The following BBS1 variants were observed in gnomAD, a reference collection of about 807,000 sequenced individuals.
BBS1 encodes BBSome complex member BBS1.
A neutral mutation model predicts 73.9 loss-of-function variants in BBS1; 60 were observed. The observed-to-expected ratio is 0.81, with a 90% CI of 0.66 to 1.01. The LOEUF (loss-of-function observed/expected upper bound fraction) is 1.01, where lower values mean the gene tolerates loss of function less well. Among genes scored for constraint, BBS1 ranks in the 50% least tolerant of loss-of-function variants. BBS1 has a pLI of 0.00. For missense variants in BBS1, 718 were observed against 770.3 expected (o/e 0.93, Z 0.80); for synonymous variants, 283 against 317.4 (o/e 0.89, Z 1.15).
intron 7 of BBS1, among the ~76,000 whole-genome samples, chr11:66,516,239 C>T (rs2134774660): frequency 6.6e-6 from 1 of 151,232 alleles, no homozygotes; most frequent in East Asian, 2.0e-4. Context: ...GATTCTCCTG[C>T]CTCAGCCTCC....
chr11:66,511,856 G>T (rs534193246), intron 3 of BBS1, among the ~76,000 whole-genome samples: 3 of 151,594 alleles, frequency 2.0e-5, no homozygotes, highest in South Asian at 2.1e-4. Context: ...AAAATTAGCC[G>T]GGCATGGTGA....
intron 8 of BBS1, chr11:66,521,054 C>A (rs1361553339): frequency 5.0e-6 from 3 of 596,612 alleles, no homozygotes; most frequent in Non-Finnish European, 9.1e-6. Context: ...GGATGCAGTC[C>A]TAGAAGTGGC....
chr11:66,515,424 T>G, intron 4 of BBS1, 116 bp from the exon 5 acceptor site: 1 of 1,107,040 alleles, frequency 9.0e-7, no homozygotes, highest in South Asian at 1.3e-5. Context: ...AGAGGTAGGC[T>G]GGCAGGGAGG....
In BBS1 at chr11:66,510,719, C is replaced by CT. The variant is rs774921965; in HGVS notation, c.47+14dup. ...GCGGAGCTGAGAGGTGAAGGCAGGG[C>CT]TCCTCAAGGCCTCTTTTCCCACCCG... On this transcript the variant is annotated intron_variant, in intron 1 of 16. Coordinates refer to ENST00000318312, the MANE Select transcript of BBS1 (RefSeq NM_024649.5). The CT allele has an allele frequency of 1.2e-6, 2 of 1,613,922 alleles. No individual in the cohort carries two copies. Among genetic ancestry groups the CT allele is most frequent in the Non-Finnish European group, 1.7e-6 (2 of 1,179,960 alleles).
chr11:66,524,271 C>A, intron 11 of BBS1: 1 of 324,706 alleles, frequency 3.1e-6, no homozygotes, highest in Non-Finnish European at 6.0e-6. Flanking sequence ...CAGAGCGAGA[C>A]TCCATCTTAA....
chr11:66,526,092 T>A, intron 11 of BBS1, 31 bp from the exon 12 acceptor site: 7 of 1,611,824 alleles, frequency 4.3e-6, no homozygotes, highest in Non-Finnish European at 5.9e-6. Context: ...CCAAGATATT[T>A]CCCCAACTAA....
At chr11:66,515,780 A>G (rs1218439597) in intron 6 of BBS1, 49 bp downstream of exon 6, 2 of 1,613,938 alleles carry the variant, frequency 1.2e-6, no homozygotes, top group African/African-American at 2.7e-5. Context: ...AGGGAGAGGA[A>G]GCAGCCGCCA....
chr11:66,515,679 C>T lies in BBS1; in HGVS notation c.480-14C>T, dbSNP rs1374689742. On this transcript the variant is annotated splice_polypyrimidine_tract_variant and intron_variant, in intron 5 of 16. Transcript: ENST00000318312. ...TCTTCCATTCGGCTGCCATGCTGGC[C>T]CCTTTCCTTGCAGGGAGACGGCAGA... 5.0e-6 allele frequency: 8 copies of T among 1,614,096 alleles called. No homozygotes were observed. The Admixed American group carries it at 5.0e-5, about 10-fold the overall frequency.
intron 7 of BBS1, among the ~76,000 whole-genome samples, chr11:66,517,445 AT>A (rs1856073995): frequency 6.8e-6 from 1 of 146,588 alleles, no homozygotes; most frequent in Admixed American, 6.8e-5. Context: ...GCATTCATGT[AT>A]TTTTTATTTT....
rs759852344 is a variant in BBS1 at position 66,515,944 on chromosome 11, C to T, written c.591+11C>T. 11 of 1,613,730 alleles carry T rather than the reference C, an allele frequency of 6.8e-6. No homozygotes were observed. Among genetic ancestry groups the T allele is most frequent in the Middle Eastern group, 1.6e-4 (1 of 6,084 alleles). ...TCCATCAAGCGGCAGGTAATACCCC[C>T]TTCTCTTTTTATTTCCCTGTAAAAA... On this transcript the variant is annotated intron_variant, in intron 7 of 16. Coordinates refer to ENST00000318312, the MANE Select transcript of BBS1 (RefSeq NM_024649.5).
In BBS1 at chr11:66,515,914, C is replaced by G; in HGVS notation, c.572C>G (p.Ser191Cys). 6.2e-7 allele frequency: 1 copy of G among 1,614,160 alleles called. No homozygotes were observed. Among genetic ancestry groups the G allele is most frequent in the African/African-American group, 1.3e-5 (1 of 75,020 alleles). ...EMEAFVNQHK[S>C]NSIKRQTVIT... ...GAGGCATTTGTAAACCAACACAAGT[C>G]CAACTCCATCAAGCGGCAGGTAATA... Residue 191 changes from serine to cysteine, a missense_variant, in exon 7 of 17, where the codon TCC (serine) becomes TGC (cysteine). Coordinates refer to ENST00000318312, the MANE Select transcript of BBS1 (RefSeq NM_024649.5).
intron 3 of BBS1, 96 bp downstream of exon 3, chr11:66,511,335 G>A (rs550567096): frequency 1.4e-6 from 2 of 1,436,556 alleles, no homozygotes; most frequent in South Asian, 2.4e-5. Flanking sequence ...GCATACTCTG[G>A]AATTCACATA....
intron 9 of BBS1, 137 bp downstream of exon 9, chr11:66,521,513 G>T: frequency 2.7e-6 from 2 of 744,972 alleles, no homozygotes; most frequent in African/African-American, 1.7e-5. Context: ...AAAGGAGGCT[G>T]AGCCCACAAA....
At chr11:66,515,626 T>A in intron 5 of BBS1, 40 bp downstream of exon 5, 1 of 1,614,088 alleles carries the variant, frequency 6.2e-7, no homozygotes, top group South Asian at 1.1e-5. Context: ...CCTCACTCCT[T>A]CATCCCATCT....
chr11:66,523,640 A>G, intron 10 of BBS1, 64 bp downstream of exon 10: 12 of 1,612,210 alleles, frequency 7.4e-6, no homozygotes, highest in Non-Finnish European at 1.0e-5. Context: ...TTGGCAAGAG[A>G]GTCCTCTGGC....
Position 66,529,863 on chromosome 11 carries a change from C to G in BBS1, c.1384C>G (p.Arg462Gly). Reference protein sequence around the residue: ...FQTDLYLLRLRAARAYLQALE... With the variant: ...FQTDLYLLRLGAARAYLQALE... ...GACAGACCTATACCTGCTGCGCCTA[C>G]GTGCTGCCCGCGCCTACCTGCAGGC... Residue 462 changes from arginine to glycine, a missense_variant, in exon 14 of 17, where the codon CGT becomes GGT. By Grantham distance (125) the Arg-to-Gly change is moderately radical. Coordinates refer to ENST00000318312, the MANE Select transcript of BBS1 (RefSeq NM_024649.5). The G allele has an allele frequency of 6.2e-7, 1 of 1,610,612 alleles. No individual in the cohort carries two copies. Among genetic ancestry groups the G allele is most frequent in the Non-Finnish European group, 8.5e-7 (1 of 1,179,982 alleles).
At chr11:66,518,454 CTTT>C (rs1295351522) in intron 7 of BBS1, among the ~76,000 whole-genome samples, 2 of 133,608 alleles carry the variant, frequency 1.5e-5, no homozygotes, top group South Asian at 2.4e-4. Context: ...GATGAGGTTT[CTTT>C]TTTTTTTTTT....
intron 15 of BBS1, 31 bp from the exon 16 acceptor site, chr11:66,531,625 G>A: frequency 1.9e-6 from 3 of 1,613,930 alleles, no homozygotes; most frequent in Non-Finnish European, 2.5e-6. Flanking sequence ...CACGAGGGCT[G>A]GTTTCCTTAC....
intron 3 of BBS1, among the ~76,000 whole-genome samples, chr11:66,512,828 C>A (rs1026925879): frequency 1.3e-5 from 2 of 151,866 alleles, no homozygotes; most frequent in Admixed American, 6.6e-5. Flanking sequence ...AAAAATCAGC[C>A]GGGCGTGGTG....
Sources: gnomAD v4.1 joint callset for allele counts (sites outside exome capture counted in the v4.1 genomes callset) on GRCh38, gnomAD v4.1.1 for gene constraint, MANE v1.5 for transcripts, NCBI Gene and HGNC (gene_info 2026-07-23, HGNC 2026-07-21) for gene names.